Variants in RGS6 observed in about 807,000 individuals in gnomAD.
RGS6 encodes the protein regulator of G protein signaling 6, also known as regulator of G-protein signaling 6.
A neutral mutation model predicts 78.5 loss-of-function variants in RGS6; 30 were observed. The ratio of observed to expected loss-of-function variants is 0.38; its 90% CI spans 0.29 to 0.52. RGS6 has a LOEUF of 0.52. Among genes scored for constraint, RGS6 ranks in the 20% least tolerant of loss-of-function variants. RGS6 has a pLI of 0.85. For synonymous variants in RGS6, 206 were observed against 206.0 expected, an observed-to-expected ratio of 1.00 and a Z score of 0.00; for missense variants, 495 against 609.7, an observed-to-expected ratio of 0.81 and a Z score of 1.98.
At chr14:72,510,401 A>C in intron 14 of RGS6, 122 bp downstream of exon 14, 1 of 1,284,324 alleles carries the variant, frequency 7.8e-7, no homozygotes, top group Non-Finnish European at 1.1e-6. Flanking sequence ...ATGCCAGCTA[A>C]TCTGGCTGAG....
At chr14:72,068,791 G>C (rs764811418) in intron 2 of RGS6, among the ~76,000 whole-genome samples, 1 of 151,254 alleles carries the variant, frequency 6.6e-6, no homozygotes, top group Middle Eastern at 3.5e-3. Context: ...CACTGCGCCC[G>C]GCCCACTCTT....
chr14:72,271,331 G>C (rs576987656), intron 2 of RGS6, among the ~76,000 whole-genome samples: 1 of 152,128 alleles, frequency 6.6e-6, no homozygotes, highest in Admixed American at 6.5e-5. Flanking sequence ...CTTGTGCAGG[G>C]GAACTCCCAT....
chr14:72,170,512 A>G (rs1025180140), intron 2 of RGS6, among the ~76,000 whole-genome samples: 6 of 152,190 alleles, frequency 3.9e-5, no homozygotes, highest in Admixed American at 3.3e-4. Flanking sequence ...GATTTGCACA[A>G]TTCCTATGAG....
chr14:72,097,715 ATGCAGCCCAGCTGC>A (rs1277389749), intron 2 of RGS6, among the ~76,000 whole-genome samples: 2 of 150,126 alleles, frequency 1.3e-5, no homozygotes, highest in Non-Finnish European at 2.9e-5. Context: ...CTTAGCCCAG[ATGCAGCCCAGCTGC>A]TGGCTTCTGC....
intron 2 of RGS6, among the ~76,000 whole-genome samples, chr14:72,257,796 C>G (rs1429076435): frequency 6.6e-6 from 1 of 152,148 alleles, no homozygotes; most frequent in Non-Finnish European, 1.5e-5. Flanking sequence ...CTGTCCAGGG[C>G]AAGTCCACAA....
At chr14:72,398,812 C>T (rs917548886) in intron 3 of RGS6, among the ~76,000 whole-genome samples, 4 of 152,132 alleles carry the variant, frequency 2.6e-5, no homozygotes, top group African/African-American at 4.8e-5. Context: ...GTTATGTACC[C>T]AGTAGCCATT....
chr14:72,155,994 A>T (rs1695221453), intron 2 of RGS6, among the ~76,000 whole-genome samples: 2 of 152,238 alleles, frequency 1.3e-5, no homozygotes, highest in South Asian at 2.1e-4. Flanking sequence ...ACTTTTAAAA[A>T]ATACTGACAC....
At position 72,458,382 on chromosome 14, in the gene RGS6, G is replaced by A. The variant is rs181629064; in HGVS notation, c.342+5G>A. The A allele has an allele frequency of 1.1e-5, 17 of 1,606,172 alleles. No homozygotes were observed. In the East Asian group the frequency reaches 2.7e-4, roughly 25 times the overall value. On this transcript the variant is annotated splice_donor_5th_base_variant and intron_variant, in intron 5 of 17. Coordinates refer to ENST00000553525, the MANE Select transcript of RGS6 (RefSeq NM_001204424.2). Reference sequence around the variant, plus strand: ...GGCACCTTTTATCGTTTCCAGGTAAGCCTGCTGGCTCCTCCTCCTGAAGAA... The same window carrying A: ...GGCACCTTTTATCGTTTCCAGGTAAACCTGCTGGCTCCTCCTCCTGAAGAA...
intron 3 of RGS6, among the ~76,000 whole-genome samples, chr14:72,388,504 C>A (rs1286548170): frequency 6.6e-6 from 1 of 152,142 alleles, no homozygotes; most frequent in African/African-American, 2.4e-5. Context: ...TTTCGAGTCC[C>A]CCTTTTCTCA....
At chr14:71,907,214 G>A in the RGS6 span, among the ~76,000 whole-genome samples, 1 of 152,194 alleles carries the variant, frequency 6.6e-6, no homozygotes, top group African/African-American at 2.4e-5. Context: ...AAATAAATCT[G>A]CAATTGCAGC....
chr14:72,126,549 AGT>A (rs1318039072), intron 2 of RGS6, among the ~76,000 whole-genome samples: 4 of 152,236 alleles, frequency 2.6e-5, no homozygotes, highest in African/African-American at 9.6e-5. Context: ...CCTGCTGGCT[AGT>A]CCTTGGACAT....
chr14:72,114,923 A>C (rs973398768), intron 2 of RGS6, among the ~76,000 whole-genome samples: 2 of 152,368 alleles, frequency 1.3e-5, no homozygotes, highest in Admixed American at 6.5e-5. Context: ...AATTATGATA[A>C]AGAAAAACAA....
intron 17 of RGS6, chr14:72,547,381 C>A (rs760197515): frequency 1.1e-5 from 16 of 1,418,564 alleles, no homozygotes; most frequent in Admixed American, 4.2e-5. Context: ...AGACCCCCCC[C>A]CGACCCATGG....
chr14:72,551,899 C>T (rs1265273266), intron 17 of RGS6, among the ~76,000 whole-genome samples: 1 of 152,240 alleles, frequency 6.6e-6, no homozygotes, highest in Non-Finnish European at 1.5e-5. Context: ...TCAGTTTCCT[C>T]ATCCATAAAA....
chr14:72,374,650 G>A (rs1335080214), intron 3 of RGS6, among the ~76,000 whole-genome samples: 8 of 152,124 alleles, frequency 5.3e-5, no homozygotes, highest in South Asian at 2.1e-4. Flanking sequence ...AAAAGTCACT[G>A]GAAACATAAG....
At chr14:72,379,631 A>G (rs2085549749) in intron 3 of RGS6, among the ~76,000 whole-genome samples, 1 of 152,102 alleles carries the variant, frequency 6.6e-6, no homozygotes. Context: ...GAAATGAAAG[A>G]CCTTTGTAAG....
intron 2 of RGS6, among the ~76,000 whole-genome samples, chr14:72,006,017 A>G (rs2084481521): frequency 6.6e-6 from 1 of 152,168 alleles, no homozygotes; most frequent in Middle Eastern, 3.4e-3. Flanking sequence ...ATGACTCTAT[A>G]TTTGTCCTTG....
chr14:72,009,448 G>A (rs1183930460), intron 2 of RGS6, among the ~76,000 whole-genome samples: 1 of 152,206 alleles, frequency 6.6e-6, no homozygotes, highest in Non-Finnish European at 1.5e-5. Context: ...CGATGCTGGA[G>A]GAATTAAGCC....
chr14:71,966,440 G>A (rs1329079169), intron 2 of RGS6, among the ~76,000 whole-genome samples: 1 of 152,204 alleles, frequency 6.6e-6, no homozygotes, highest in East Asian at 1.9e-4. Flanking sequence ...TCAGCAATTA[G>A]TGAAACATAC....
Sources: gnomAD v4.1 joint callset for allele counts (sites outside exome capture counted in the v4.1 genomes callset) on GRCh38, gnomAD v4.1.1 for gene constraint, MANE v1.5 for transcripts, NCBI Gene and HGNC (gene_info 2026-07-23, HGNC 2026-07-21) for gene names.